Variants in RNF144A observed in about 807,000 individuals in gnomAD.
RNF144A encodes E3 ubiquitin-protein ligase RNF144A.
In RNF144A, 11 loss-of-function variants were observed where a neutral mutation model predicts 38.7. The observed-to-expected ratio is 0.28, with a 90% CI of 0.18 to 0.47. The LOEUF (loss-of-function observed/expected upper bound fraction) is 0.47. RNF144A is among the 20% of genes least tolerant of loss of function. RNF144A has a pLI of 0.99. For synonymous variants in RNF144A, 149 were observed against 143.9 expected (o/e 1.04, Z -0.25); for missense variants, 316 against 377.2 (o/e 0.84, Z 1.34).
At chr2:6,983,821 A>C (rs755625974) in intron 2 of RNF144A, among the ~76,000 whole-genome samples, 1 of 152,114 alleles carries the variant, frequency 6.6e-6, no homozygotes, top group Admixed American at 6.5e-5. Context: ...TCCTCCCCAG[A>C]TGTCTCAGAT....
At position 7,041,723 on chromosome 2, in the gene RNF144A, G is replaced by C. The variant is rs1673055026; in HGVS notation, c.*1963G>C. ...GGAGGCCTGTGGCCCTGTGTCCAGT[G>C]GCCCACAGGACACGCCTCCACCATA... On this transcript the variant is annotated 3_prime_UTR_variant, in exon 9 of 9. Coordinates refer to ENST00000320892, the MANE Select transcript of RNF144A (RefSeq NM_014746.6). The C allele has an allele frequency of 1.0e-5, 10 of 985,350 alleles. No homozygotes were observed. The South Asian group carries it at 4.7e-4, about 46-fold the overall frequency. 61.0% of individuals were successfully genotyped at this position (985,350 alleles called of 1,614,324 possible).
At position 7,039,648 on chromosome 2, in the gene RNF144A, GA is replaced by G; in HGVS notation, c.768del (p.Phe257LeufsTer84). On this transcript the variant is annotated frameshift_variant, in exon 9 of 9. Coordinates refer to ENST00000320892, the MANE Select transcript of RNF144A (RefSeq NM_014746.6). LOFTEE classifies it high-confidence loss of function. ...TTCCAGGTTGTGGGCATTTTTGCAG[GA>G]TTTGGGCTGCTGCTCTTGGTGGCCT... is the stretch of plus-strand genomic sequence containing the variant. ...HRTQVVGIFAGFGLLLLVASP... is the reference protein window; with the variant it reads ...HRTQVVGIFAXFGLLLLVASP... 2 of 1,613,974 alleles carry G rather than the reference GA, an allele frequency of 1.2e-6. No individual in the cohort carries two copies. Among genetic ancestry groups the G allele is most frequent in the Non-Finnish European group, 1.7e-6 (2 of 1,179,960 alleles).
chr2:6,967,915 A>G (rs1269425889), intron 2 of RNF144A, among the ~76,000 whole-genome samples: 2 of 152,244 alleles, frequency 1.3e-5, no homozygotes, highest in Non-Finnish European at 2.9e-5. Context: ...GCACTAAGCT[A>G]CTTGACTTTG....
intron 1 of RNF144A, among the ~76,000 whole-genome samples, chr2:6,939,737 T>A (rs1004397576): frequency 6.6e-6 from 1 of 152,208 alleles, no homozygotes; most frequent in African/African-American, 2.4e-5. Flanking sequence ...CATTTGCTGT[T>A]AATTTTTGTG....
chr2:7,051,206 C>G (rs1479102305), intron 6 of RNF144A, among the ~76,000 whole-genome samples: 1 of 152,094 alleles, frequency 6.6e-6, no homozygotes, highest in Non-Finnish European at 1.5e-5. Context: ...GCTCAGAGCA[C>G]AGATTGGGAG....
chr2:6,936,445 G>A (rs945397783), intron 1 of RNF144A, among the ~76,000 whole-genome samples: 5 of 152,172 alleles, frequency 3.3e-5, no homozygotes, highest in Admixed American at 2.0e-4. Flanking sequence ...AAGTTCTGAA[G>A]GTTTTGAGTG....
chr2:6,932,354 A>G (rs1480851821), intron 1 of RNF144A, among the ~76,000 whole-genome samples: 1 of 152,122 alleles, frequency 6.6e-6, no homozygotes, highest in Non-Finnish European at 1.5e-5. Flanking sequence ...GACACTTGCT[A>G]TTTTACCCTC....
intron 8 of RNF144A, 89 bp from the exon 9 acceptor site, chr2:7,039,540 A>C (rs770396246): frequency 9.1e-6 from 14 of 1,545,012 alleles, no homozygotes; most frequent in Non-Finnish European, 1.1e-5. Context: ...GGATGGATGG[A>C]TGGGTAGCTG....
intron 3 of RNF144A, among the ~76,000 whole-genome samples, chr2:7,013,897 G>A (rs1381872205): frequency 6.6e-6 from 1 of 152,202 alleles, no homozygotes; most frequent in Admixed American, 6.5e-5. Context: ...ATACAGTTGG[G>A]TTCTCAGCAG....
At position 6,962,630 on chromosome 2, in the gene RNF144A, A is replaced by C. The variant is rs1026029263; in HGVS notation, c.-12+21483A>C. Among the ~76,000 whole-genome samples the C allele has an allele frequency of 8.5e-5, 13 of 152,248 alleles. No individual in the cohort carries two copies. The highest frequency in any genetic ancestry group is 2.9e-4 in the African/African-American group (12 of 41,460). ...CCAATATCTCATCAGATTATGGATAAATTCACCGAAATAAGGAAAACTTCT... is the reference window on the plus strand; with the variant it reads ...CCAATATCTCATCAGATTATGGATACATTCACCGAAATAAGGAAAACTTCT... On this transcript the variant is annotated intron_variant, in intron 2 of 8. Coordinates refer to ENST00000320892, the MANE Select transcript of RNF144A (RefSeq NM_014746.6). This position sits in a 1 kb window ranked among gnomAD's most constrained non-coding sequence, Gnocchi z 4.1.
intron 1 of RNF144A, among the ~76,000 whole-genome samples, chr2:6,936,125 G>A (rs1020562401): frequency 9.2e-5 from 14 of 152,252 alleles, no homozygotes; most frequent in African/African-American, 3.4e-4. Context: ...CAGTGAGCAT[G>A]TTTGTGGAGC....
chr2:7,046,003 AAG>A (rs1673295131), downstream of RNF144A, among the ~76,000 whole-genome samples: 1 of 152,260 alleles, frequency 6.6e-6, no homozygotes, highest in Non-Finnish European at 1.5e-5. Flanking sequence ...AAAATTGAAA[AAG>A]AAATTTGCCA....
chr2:6,955,505 C>T lies in RNF144A; in HGVS notation c.-12+14358C>T, dbSNP rs973041983. 2.6e-5 allele frequency among the ~76,000 whole-genome samples: 4 copies of T among 152,158 alleles called. No individual in the cohort carries two copies. The East Asian group carries it at 5.8e-4, about 22-fold the overall frequency. On this transcript the variant is annotated intron_variant, in intron 2 of 8. Coordinates refer to ENST00000320892, the MANE Select transcript of RNF144A (RefSeq NM_014746.6). ...CAATTCTTCTCAGCCCATTCCAGGC[C>T]CTCCTGCCATCCACAGCTCATTTCC...
chr2:7,016,058 T>TCAGGAGTTCAAGTCCAGCCTGGGCAA (rs1671114522), intron 5 of RNF144A, among the ~76,000 whole-genome samples: 1 of 140,076 alleles, frequency 7.1e-6, no homozygotes, highest in African/African-American at 2.7e-5. Context: ...TCTCAACTAC[T>TCAGGAGTTCAAGTCCAGCCTGGGCAA]CAGGAGTTCA....
At chr2:6,929,730 T>C (rs983029937) in intron 1 of RNF144A, among the ~76,000 whole-genome samples, 2 of 152,236 alleles carry the variant, frequency 1.3e-5, no homozygotes, top group Non-Finnish European at 2.9e-5. Context: ...TATTGACTTA[T>C]ATGTTATCCA....
chr2:6,939,944 T>G (rs1313773622), intron 1 of RNF144A, among the ~76,000 whole-genome samples: 1 of 152,192 alleles, frequency 6.6e-6, no homozygotes, highest in Non-Finnish European at 1.5e-5. Context: ...TTACACTATC[T>G]TGATTAATAT....
intron 2 of RNF144A, among the ~76,000 whole-genome samples, chr2:6,959,685 A>G (rs545071075): frequency 1.3e-5 from 2 of 152,124 alleles, no homozygotes; most frequent in South Asian, 2.1e-4. Flanking sequence ...TAGCTGTTCT[A>G]CTCCTATGAT....
In RNF144A at chr2:6,958,196, T is replaced by C. The variant is rs1017570707; in HGVS notation, c.-12+17049T>C. ...CTGGAAGGTGGAACTTGATCACCAC[T>C]CTGCCTGGCCTCAGCAGTCCCTTCT... On this transcript the variant is annotated intron_variant, in intron 2 of 8. Coordinates refer to ENST00000320892, the MANE Select transcript of RNF144A (RefSeq NM_014746.6). The surrounding 1 kb of genome is among the most constrained non-coding windows in gnomAD (Gnocchi z 4.5). Among the ~76,000 whole-genome samples, 1 of 152,228 alleles carries C rather than the reference T, an allele frequency of 6.6e-6. No homozygotes were observed. The highest frequency in any genetic ancestry group is 2.4e-5 in the African/African-American group (1 of 41,452).
rs1396629573 is a variant in RNF144A, at chr2:6,949,027, C to T, written c.-12+7880C>T. Among the ~76,000 whole-genome samples the T allele has an allele frequency of 3.3e-5, 5 of 152,288 alleles. No homozygotes were observed. In the East Asian group the frequency reaches 7.7e-4, roughly 24 times the overall value. ...TGGAGTGCCTGTCCATCCCTGAAAG[C>T]GTAGGCCATGCGAGGTGACCACGTG... On this transcript the variant is annotated intron_variant, in intron 2 of 8. Coordinates refer to ENST00000320892, the MANE Select transcript of RNF144A (RefSeq NM_014746.6).
Sources: gnomAD v4.1 joint callset for allele counts (sites outside exome capture counted in the v4.1 genomes callset) on GRCh38, gnomAD v4.1.1 for gene constraint, Gnocchi (gnomAD v3.1) non-coding constraint, MANE v1.5 for transcripts, NCBI Gene and HGNC (gene_info 2026-07-23, HGNC 2026-07-21) for gene names.